AGBL4: variants seen among roughly 807,000 people sequenced by gnomAD.
AGBL4 encodes the protein AGBL carboxypeptidase 4, also known as cytosolic carboxypeptidase 6.
In AGBL4, 58 loss-of-function variants were observed where a neutral mutation model predicts 66.4. The observed-to-expected ratio is 0.87, with a 90% CI of 0.71 to 1.09. The LOEUF (loss-of-function observed/expected upper bound fraction) is 1.09, where lower values mean the gene tolerates loss of function less well. AGBL4 is among the 50% of genes least tolerant of loss of function. AGBL4 has a pLI of 0.00. For synonymous variants in AGBL4, 234 were observed against 222.9 expected (o/e 1.05, Z -0.44); for missense variants, 579 against 631.0 (o/e 0.92, Z 0.88).
intron 1 of AGBL4, among the ~76,000 whole-genome samples, chr1:49,860,773 A>C (rs191215411): frequency 6.4e-4 from 96 of 150,618 alleles, no homozygotes; most frequent in Middle Eastern, 3.4e-3. Context: ...CCCAGCAAAA[A>C]AAAAAACAAA....
intron 5 of AGBL4, among the ~76,000 whole-genome samples, chr1:48,929,130 G>A (rs1654827562): frequency 6.6e-6 from 1 of 152,088 alleles, no homozygotes; most frequent in Non-Finnish European, 1.5e-5. Flanking sequence ...GTATAACTTG[G>A]CACATCTCCA....
chr1:49,916,784 A>G (rs1651556823), intron 1 of AGBL4, among the ~76,000 whole-genome samples: 1 of 152,210 alleles, frequency 6.6e-6, no homozygotes, highest in Non-Finnish European at 1.5e-5. Flanking sequence ...CATAATTATC[A>G]GATTCACCAA....
intron 3 of AGBL4, among the ~76,000 whole-genome samples, chr1:49,545,775 C>T (rs1486428976): frequency 6.6e-6 from 1 of 152,112 alleles, no homozygotes; most frequent in Non-Finnish European, 1.5e-5. Flanking sequence ...TGTCTACTAT[C>T]AAATAAAAGC....
At chr1:48,991,726 GCTCA>G (rs1660621099) in intron 5 of AGBL4, among the ~76,000 whole-genome samples, 1 of 151,726 alleles carries the variant, frequency 6.6e-6, no homozygotes, top group Non-Finnish European at 1.5e-5. Context: ...CTTTCTTCAA[GCTCA>G]CTAATTCTTT....
At chr1:49,864,160 G>A (rs889064441) in intron 1 of AGBL4, among the ~76,000 whole-genome samples, 1 of 152,106 alleles carries the variant, frequency 6.6e-6, no homozygotes, top group Non-Finnish European at 1.5e-5. Context: ...GCCAGGTACA[G>A]AAAGACAAAC....
intron 5 of AGBL4, among the ~76,000 whole-genome samples, chr1:48,882,702 G>T (rs889531228): frequency 6.6e-6 from 1 of 152,070 alleles, no homozygotes; most frequent in Non-Finnish European, 1.5e-5. Flanking sequence ...GCTGTACAAA[G>T]GTTCTCCAGA....
intron 5 of AGBL4, among the ~76,000 whole-genome samples, chr1:48,882,995 A>G (rs1448801830): frequency 6.6e-6 from 1 of 152,182 alleles, no homozygotes; most frequent in Non-Finnish European, 1.5e-5. Flanking sequence ...TATATACCAC[A>G]ATTTTTTATC....
At chr1:48,816,170 G>A (rs1033028674) in intron 6 of AGBL4, among the ~76,000 whole-genome samples, 3 of 151,886 alleles carry the variant, frequency 2.0e-5, no homozygotes, top group Admixed American at 6.6e-5. Context: ...CAGCTCTGTT[G>A]ATTATGGATT....
intron 3 of AGBL4, among the ~76,000 whole-genome samples, chr1:49,468,783 C>A (rs889482004): frequency 5.3e-5 from 8 of 151,710 alleles, no homozygotes; most frequent in African/African-American, 1.9e-4. Context: ...AAATTTGACT[C>A]CATGAAAGTG....
intron 1 of AGBL4, among the ~76,000 whole-genome samples, chr1:49,877,943 G>T (rs1486523693): frequency 6.6e-6 from 1 of 152,102 alleles, no homozygotes; most frequent in Non-Finnish European, 1.5e-5. Context: ...TAGTTTATTT[G>T]TGTAGAGGTG....
At chr1:49,594,200 G>A (rs1409346925) in intron 3 of AGBL4, among the ~76,000 whole-genome samples, 1 of 152,114 alleles carries the variant, frequency 6.6e-6, no homozygotes, top group African/African-American at 2.4e-5. Flanking sequence ...TGTTGTTCAA[G>A]GTTCAATTGT....
chr1:49,572,320 ACC>A (rs1339886510), intron 3 of AGBL4, among the ~76,000 whole-genome samples: 1 of 152,136 alleles, frequency 6.6e-6, no homozygotes. Flanking sequence ...TCTAAGATTT[ACC>A]CATTTTCTCT....
chr1:49,809,164 T>G (rs906758165), intron 2 of AGBL4, among the ~76,000 whole-genome samples: 7 of 152,126 alleles, frequency 4.6e-5, no homozygotes, highest in African/African-American at 1.7e-4. Context: ...TACATTTTTT[T>G]TTATTATTTT....
At chr1:49,775,052 A>T (rs1405584944) in intron 2 of AGBL4, among the ~76,000 whole-genome samples, 1 of 152,224 alleles carries the variant, frequency 6.6e-6, no homozygotes, top group Non-Finnish European at 1.5e-5. Flanking sequence ...GCAGCCATTA[A>T]AAATGAAACC....
At chr1:49,502,882 C>T (rs930659367) in intron 3 of AGBL4, among the ~76,000 whole-genome samples, 2 of 152,094 alleles carry the variant, frequency 1.3e-5, no homozygotes, top group Admixed American at 6.5e-5. Context: ...AAATTTGCAG[C>T]CTGACAATGC....
chr1:49,872,981 C>T (rs1646875697), intron 1 of AGBL4, among the ~76,000 whole-genome samples: 1 of 151,824 alleles, frequency 6.6e-6, no homozygotes, highest in Non-Finnish European at 1.5e-5. Context: ...ATTTTTCTTT[C>T]TTTCTTTCCC....
At chr1:48,536,307 G>T (rs1293916160) in intron 12 of AGBL4, among the ~76,000 whole-genome samples, 2 of 152,184 alleles carry the variant, frequency 1.3e-5, no homozygotes, top group East Asian at 1.9e-4. Flanking sequence ...AATCAGGTGG[G>T]AGGGACAGGG....
At position 48,736,088 on chromosome 1, in the gene AGBL4, T is replaced by C; in HGVS notation, c.635-72847A>G. 1 of 781,834 alleles carries C rather than the reference T, an allele frequency of 1.3e-6. No individual in the cohort carries two copies. Among genetic ancestry groups the C allele is most frequent in the Non-Finnish European group, 2.1e-6 (1 of 478,138 alleles). 48.4% of individuals were successfully genotyped at this position (781,834 alleles called of 1,614,324 possible). A position where few individuals can be genotyped will look rare whatever the true frequency, so the allele number is the denominator to read the frequency against. On this transcript the variant is annotated intron_variant, in intron 6 of 13. Coordinates refer to ENST00000371839, the MANE Select transcript of AGBL4 (RefSeq NM_032785.4). The surrounding 1 kb of genome is among the most constrained non-coding windows in gnomAD (Gnocchi z 4.0). The stretch of plus-strand genomic sequence containing the variant: ...GGTAAATGTGAGCTCTTCTGGGGCA[T>C]TTGGGTTATCCGCTTGGTGTCCCCG...
chr1:48,800,360 C>T (rs998991000), intron 6 of AGBL4, among the ~76,000 whole-genome samples: 1 of 152,134 alleles, frequency 6.6e-6, no homozygotes, highest in Non-Finnish European at 1.5e-5. Flanking sequence ...TGTTTCATTT[C>T]TAATTGAGCT....
Sources: gnomAD v4.1 joint callset for allele counts (sites outside exome capture counted in the v4.1 genomes callset) on GRCh38, gnomAD v4.1.1 for gene constraint, Gnocchi (gnomAD v3.1) non-coding constraint, MANE v1.5 for transcripts, NCBI Gene and HGNC (gene_info 2026-07-23, HGNC 2026-07-21) for gene names.